Variants in KDM4B observed in about 807,000 individuals in gnomAD.
KDM4B encodes lysine demethylase 4B.
KDM4B carries 32 observed loss-of-function variants against 125.2 expected under a neutral mutation model. The ratio of observed to expected loss-of-function variants is 0.26; its 90% confidence interval spans 0.19 to 0.34. The LOEUF (loss-of-function observed/expected upper bound fraction) is 0.34. KDM4B is among the 10% of genes least tolerant of loss of function. The pLI is 1.00. For missense variants in KDM4B, 1,190 were observed against 1,577.7 expected (o/e 0.75, Z 4.16); for synonymous variants, 721 against 677.9 (o/e 1.06, Z -0.99).
chr19:4,969,604 G>A (rs2034174766), intron 1 of KDM4B, among the ~76,000 whole-genome samples: 1 of 151,728 alleles, frequency 6.6e-6, no homozygotes, highest in Non-Finnish European at 1.5e-5. Context: ...TTTATCACCC[G>A]GGACAAGCCT....
chr19:5,050,385 A>G (rs1028414457), intron 6 of KDM4B, among the ~76,000 whole-genome samples: 10 of 152,274 alleles, frequency 6.6e-5, no homozygotes, highest in Admixed American at 6.5e-4. Context: ...GATTGAAACC[A>G]GAGCCAGCAC....
chr19:4,969,634 T>G (rs976555749), intron 1 of KDM4B, among the ~76,000 whole-genome samples: 4 of 151,970 alleles, frequency 2.6e-5, no homozygotes, highest in Admixed American at 2.6e-4. Context: ...ATTATTATTA[T>G]TTTTGAAAGA....
rs1007687306 is a variant in KDM4B, at chr19:5,101,985, G to A, written c.919-8637G>A. ...AGTAAATGATCCTAGGGAGTCCAGC[G>A]AGGAGGGGCAGGCGGCCGCCAGGGT... On this transcript the variant is annotated intron_variant, in intron 9 of 22. Transcript: ENST00000159111. 6.6e-5 allele frequency among the ~76,000 whole-genome samples: 10 copies of A among 152,186 alleles called. No homozygotes were observed. In the East Asian group the frequency reaches 1.9e-3, roughly 29 times the overall value.
intron 1 of KDM4B, among the ~76,000 whole-genome samples, chr19:4,987,611 G>A (rs905822245): frequency 1.3e-5 from 2 of 152,258 alleles, no homozygotes; most frequent in African/African-American, 2.4e-5. Flanking sequence ...TGGATTTAGC[G>A]GTCTTTTATT....
chr19:5,021,554 T>TA (rs1255227509), intron 2 of KDM4B, among the ~76,000 whole-genome samples: 1 of 151,504 alleles, frequency 6.6e-6, no homozygotes, highest in Non-Finnish European at 1.5e-5. Flanking sequence ...GCCTGGGCGA[T>TA]ACAGCAAGAC....
At chr19:5,000,685 C>T (rs1199947153) in intron 1 of KDM4B, among the ~76,000 whole-genome samples, 1 of 152,162 alleles carries the variant, frequency 6.6e-6, no homozygotes, top group Non-Finnish European at 1.5e-5. Context: ...TGGATTAGTT[C>T]TTCCATTTTT....
chr19:5,119,436 C>CT (rs1345223244), intron 10 of KDM4B, among the ~76,000 whole-genome samples: 24 of 152,202 alleles, frequency 1.6e-4, no homozygotes, highest in Non-Finnish European at 1.5e-5. Flanking sequence ...ATTGCCCCGT[C>CT]TCCCTTTGGT....
At chr19:5,090,381 CATATCTCTCCCCCT>C (rs1467939933) in intron 9 of KDM4B, among the ~76,000 whole-genome samples, 2 of 81,328 alleles carry the variant, frequency 2.5e-5, no homozygotes, top group Non-Finnish European at 4.9e-5. Context: ...TCTCTCCCCC[CATATCTCTCCCCCT>C]CTCTCTCTCT....
rs547451061 is a variant in KDM4B, at chr19:5,035,885, G to A, written c.141+2854G>A. On this transcript the variant is annotated intron_variant, in intron 3 of 22. Coordinates refer to ENST00000159111, the MANE Select transcript of KDM4B (RefSeq NM_015015.3). The surrounding 1 kb of genome is among the most constrained non-coding windows in gnomAD (Gnocchi z 5.3). ...TCTCTGTGTGTGTGTGTGTGTGCGCGCGCGCGCGCGCCTGCGCGCACAGGA... is the reference window on the plus strand; with the variant it reads ...TCTCTGTGTGTGTGTGTGTGTGCGCACGCGCGCGCGCCTGCGCGCACAGGA... 7.8e-3 allele frequency among the ~76,000 whole-genome samples: 1,110 copies of A among 141,616 alleles called. 47 individuals are homozygous for A. The highest frequency in any genetic ancestry group is 0.075 in the South Asian group (320 of 4,282). The allele number at this position is 141,616 out of a possible 152,430, so 92.9% of individuals were successfully genotyped here.
At chr19:5,136,344 C>T (rs1004749612) in intron 15 of KDM4B, among the ~76,000 whole-genome samples, 13 of 152,246 alleles carry the variant, frequency 8.5e-5, no homozygotes, top group Admixed American at 5.2e-4. Flanking sequence ...CTCTTTCCCA[C>T]GCACGGGGGG....
chr19:5,005,948 G>A (rs972397016), intron 1 of KDM4B, among the ~76,000 whole-genome samples: 2 of 152,138 alleles, frequency 1.3e-5, no homozygotes, highest in Non-Finnish European at 2.9e-5. Context: ...GTCACAAGAG[G>A]TGGCTTCTCA....
chr19:4,970,187 A>C (rs1215111036), intron 1 of KDM4B, among the ~76,000 whole-genome samples: 1 of 152,138 alleles, frequency 6.6e-6, no homozygotes, highest in Non-Finnish European at 1.5e-5. Flanking sequence ...GCACGGTGGA[A>C]GGTTTTAAGG....
At chr19:5,095,506 C>T (rs1167302797) in intron 9 of KDM4B, among the ~76,000 whole-genome samples, 2 of 152,242 alleles carry the variant, frequency 1.3e-5, no homozygotes, top group African/African-American at 4.8e-5. Context: ...CAGTGGTAGC[C>T]CACTGTGTCT....
rs575222788 is a variant in KDM4B, at chr19:5,003,579, T to C, written c.-108-12678T>C. Among the ~76,000 whole-genome samples, 10 of 151,916 alleles carry C rather than the reference T, an allele frequency of 6.6e-5. No individual in the cohort carries two copies. The South Asian group carries it at 1.7e-3, about 25-fold the overall frequency. On this transcript the variant is annotated intron_variant, in intron 1 of 22. Coordinates refer to ENST00000159111, the MANE Select transcript of KDM4B (RefSeq NM_015015.3). Reference sequence around the variant, plus strand: ...ATCCTAGCACTTTGGGAGGGTGAGGTGGGTGGATCCCTAGAGGTCAGGAAT... The same window carrying C: ...ATCCTAGCACTTTGGGAGGGTGAGGCGGGTGGATCCCTAGAGGTCAGGAAT...
chr19:5,106,248 T>TTGTGTG (rs35386151), intron 9 of KDM4B, among the ~76,000 whole-genome samples: 11 of 151,380 alleles, frequency 7.3e-5, no homozygotes, highest in Admixed American at 4.6e-4. Flanking sequence ...GTTAGAGTCA[T>TTGTGTG]TGTGTGTGTG....
chr19:5,063,944 C>T (rs2037685435), intron 6 of KDM4B, among the ~76,000 whole-genome samples: 2 of 152,136 alleles, frequency 1.3e-5, no homozygotes, highest in Admixed American at 6.6e-5. Flanking sequence ...CTGAGGGGCT[C>T]GTGTGGATGT....
chr19:5,117,609 G>A (rs2039282259), intron 10 of KDM4B, among the ~76,000 whole-genome samples: 1 of 152,166 alleles, frequency 6.6e-6, no homozygotes, highest in African/African-American at 2.4e-5. Flanking sequence ...CCCAGCATTT[G>A]CCTAGCCCCC....
At chr19:5,063,378 T>A (rs1599537205) in intron 6 of KDM4B, among the ~76,000 whole-genome samples, 1 of 152,188 alleles carries the variant, frequency 6.6e-6, no homozygotes, top group Admixed American at 6.5e-5. Context: ...TTGGAAAATA[T>A]GCCGGATTCA....
chr19:5,111,459 CTCTTGGCT>C (rs1414325047), intron 10 of KDM4B: 2 of 765,312 alleles, frequency 2.6e-6, no homozygotes, highest in Admixed American at 3.4e-5. Flanking sequence ...CATCTGCAGC[CTCTTGGCT>C]TCTGACCACA....
Sources: gnomAD v4.1 joint callset for allele counts (sites outside exome capture counted in the v4.1 genomes callset) on GRCh38, gnomAD v4.1.1 for gene constraint, Gnocchi (gnomAD v3.1) non-coding constraint, MANE v1.5 for transcripts, NCBI Gene and HGNC (gene_info 2026-07-23, HGNC 2026-07-21) for gene names.